The following EPS15 variants were observed in gnomAD, a reference collection of about 807,000 sequenced individuals.
The protein encoded by EPS15 is epidermal growth factor receptor substrate 15.
In EPS15, 72 loss-of-function variants were observed where a neutral mutation model predicts 113.8. That is an observed-to-expected ratio of 0.63 (90% CI 0.52 to 0.77). The LOEUF (loss-of-function observed/expected upper bound fraction) is 0.77, where lower values mean the gene tolerates loss of function less well. Among genes scored for constraint, EPS15 ranks in the 30% least tolerant of loss-of-function variants. EPS15 has a pLI of 0.00. For synonymous variants in EPS15, 344 were observed against 363.4 expected, an observed-to-expected ratio of 0.95 and a Z score of 0.61; for missense variants, 1,048 against 1,045.8, an observed-to-expected ratio of 1.00 and a Z score of -0.03.
In EPS15 at chr1:51,517,884, TTCTC is replaced by T. The variant is rs375553496; in HGVS notation, c.33+1311_33+1314del. Among the ~76,000 whole-genome samples, 520 of 152,300 alleles carry T rather than the reference TTCTC, an allele frequency of 3.4e-3. 1 individual carries two copies. Among genetic ancestry groups the T allele is most frequent in the Non-Finnish European group, 5.2e-3 (354 of 68,018 alleles). ...TCCTGGTTTCTGAGAAAACATTTTT[TTCTC>T]TCTATCCTACAGTGCTAGGCAAAGC... On this transcript the variant is annotated intron_variant, in intron 1 of 24. Transcript: ENST00000371733.
intron 1 of EPS15, among the ~76,000 whole-genome samples, chr1:51,511,481 C>T (rs1392356836): frequency 4.6e-5 from 7 of 152,068 alleles, no homozygotes; most frequent in Admixed American, 2.0e-4. Flanking sequence ...GACGACAGAG[C>T]GAGACTCTCT....
At chr1:51,404,491 C>T (rs1237433974) in intron 16 of EPS15, among the ~76,000 whole-genome samples, 1 of 152,098 alleles carries the variant, frequency 6.6e-6, no homozygotes, top group African/African-American at 2.4e-5. Context: ...ATAATGCATA[C>T]ATGACTGCAC....
intron 1 of EPS15, among the ~76,000 whole-genome samples, chr1:51,518,938 G>T (rs1644785350): frequency 6.6e-6 from 1 of 151,354 alleles, no homozygotes; most frequent in Admixed American, 6.6e-5. Flanking sequence ...GCAGCGGCGC[G>T]GAGGGCGGCG....
intron 22 of EPS15, among the ~76,000 whole-genome samples, chr1:51,365,711 G>A (rs1570090034): frequency 6.6e-6 from 1 of 152,166 alleles, no homozygotes; most frequent in East Asian, 1.9e-4. Context: ...ATATGAAGTT[G>A]TTAAGCAAAC....
intron 13 of EPS15, among the ~76,000 whole-genome samples, chr1:51,420,810 C>T (rs1650680862): frequency 6.6e-6 from 1 of 152,150 alleles, no homozygotes; most frequent in Non-Finnish European, 1.5e-5. Context: ...ATTCTCCCCA[C>T]CCTAGCACAG....
chr1:51,507,982 C>T (rs564224387), intron 1 of EPS15, among the ~76,000 whole-genome samples: 9 of 151,986 alleles, frequency 5.9e-5, no homozygotes, highest in African/African-American at 1.7e-4. Context: ...TCGAGACCAT[C>T]CTGGCCAACA....
chr1:51,356,521 A>G lies in EPS15; in HGVS notation c.*179T>C. ...CTGGGTTACGGCTTTTATAAGAAAA[A>G]AAAAAAAAGACGAATCTGTAATGAA... On this transcript the variant is annotated 3_prime_UTR_variant, in exon 25 of 25. Coordinates refer to ENST00000371733, the MANE Select transcript of EPS15 (RefSeq NM_001981.3). 2.0e-6 allele frequency: 1 copy of G among 503,312 alleles called. No individual in the cohort carries two copies. Among genetic ancestry groups the G allele is most frequent in the Non-Finnish European group, 3.4e-6 (1 of 295,680 alleles). The allele number at this position is 503,312 out of a possible 1,614,324, so 31.2% of individuals were successfully genotyped here. A position where few individuals can be genotyped will look rare whatever the true frequency, so the allele number is the denominator to read the frequency against.
At chr1:51,454,380 A>G (rs1208634487) in intron 8 of EPS15, among the ~76,000 whole-genome samples, 1 of 152,218 alleles carries the variant, frequency 6.6e-6, no homozygotes, top group Non-Finnish European at 1.5e-5. Flanking sequence ...CAGAGAATAG[A>G]GTAGGAAAAG....
intron 21 of EPS15, among the ~76,000 whole-genome samples, chr1:51,381,658 C>T (rs980444954): frequency 2.6e-5 from 4 of 152,008 alleles, no homozygotes; most frequent in Non-Finnish European, 5.9e-5. Flanking sequence ...AAATTAACAG[C>T]AGAAGCAAAA....
At chr1:51,364,156 T>A in intron 22 of EPS15, 128 bp from the exon 23 acceptor site, 4 of 729,634 alleles carry the variant, frequency 5.5e-6, no homozygotes, top group Non-Finnish European at 8.0e-6. Flanking sequence ...ACTGAAATTT[T>A]AACCTTTGCA....
intron 1 of EPS15, among the ~76,000 whole-genome samples, chr1:51,517,787 T>C (rs80069192): frequency 0.048 from 7,368 of 152,180 alleles, 259 homozygotes; most frequent in Middle Eastern, 0.11. Flanking sequence ...AACTGGGAAA[T>C]AGACTTTCCT....
intron 21 of EPS15, 118 bp from the exon 22 acceptor site, chr1:51,366,147 A>G: frequency 1.6e-6 from 1 of 623,112 alleles, no homozygotes; most frequent in Non-Finnish European, 2.7e-6. Flanking sequence ...GGCTCACTGC[A>G]GCCTCAATCT....
At chr1:51,447,686 A>C (rs1653179042) in intron 9 of EPS15, among the ~76,000 whole-genome samples, 1 of 152,240 alleles carries the variant, frequency 6.6e-6, no homozygotes, top group Admixed American at 6.5e-5. Flanking sequence ...CCATGTTAGC[A>C]TGGAGCATCT....
chr1:51,506,167 G>T (rs1016279721), intron 1 of EPS15, among the ~76,000 whole-genome samples: 1 of 152,120 alleles, frequency 6.6e-6, no homozygotes, highest in East Asian at 1.9e-4. Flanking sequence ...GATTACAGGC[G>T]TCAGCCACCG....
At chr1:51,471,595 A>G in intron 4 of EPS15, 95 bp downstream of exon 4, 1 of 999,028 alleles carries the variant, frequency 1.0e-6, no homozygotes, top group Non-Finnish European at 1.6e-6. Context: ...GTTGGTAAAA[A>G]CCAATTCTTG....
chr1:51,386,194 G>A (rs1281603339), intron 21 of EPS15, among the ~76,000 whole-genome samples: 13 of 151,994 alleles, frequency 8.6e-5, no homozygotes, highest in Admixed American at 7.9e-4. Context: ...CAGGTTCTTG[G>A]GTTATATCAG....
At chr1:51,471,305 C>G (rs144902242) in intron 4 of EPS15, among the ~76,000 whole-genome samples, 1 of 152,288 alleles carries the variant, frequency 6.6e-6, no homozygotes, top group Admixed American at 6.5e-5. Flanking sequence ...AGATCTAGAC[C>G]AGAATACTCA....
At chr1:51,379,696 C>T (rs900411027) in intron 21 of EPS15, among the ~76,000 whole-genome samples, 1 of 151,962 alleles carries the variant, frequency 6.6e-6, no homozygotes, top group Non-Finnish European at 1.5e-5. Flanking sequence ...GTGGGTGGAT[C>T]ACGTAAGGTC....
intron 1 of EPS15, among the ~76,000 whole-genome samples, chr1:51,508,317 AGAAAG>A (rs1644549230): frequency 7.7e-6 from 1 of 129,578 alleles, no homozygotes. Context: ...AGAGAAAGAG[AGAAAG>A]AGAGAAAGAG....
Sources: gnomAD v4.1 joint callset for allele counts (sites outside exome capture counted in the v4.1 genomes callset) on GRCh38, gnomAD v4.1.1 for gene constraint, MANE v1.5 for transcripts, NCBI Gene and HGNC (gene_info 2026-07-23, HGNC 2026-07-21) for gene names.